The following TG variants were observed in gnomAD, a reference collection of about 807,000 sequenced individuals.
TG encodes thyroglobulin.
In TG, 270 loss-of-function variants were observed where a neutral mutation model predicts 324.7. The observed-to-expected ratio is 0.83, with a 90% CI of 0.75 to 0.92. TG has a LOEUF of 0.92. Among genes scored for constraint, TG ranks in the 40% least tolerant of loss-of-function variants. TG has a pLI of 0.00. For synonymous variants in TG, 1,401 were observed against 1,327.0 expected, an observed-to-expected ratio of 1.06 and a Z score of -1.21; for missense variants, 3,591 against 3,456.4, an observed-to-expected ratio of 1.04 and a Z score of -0.98.
chr8:132,903,571 G>A (rs574100529), intron 16 of TG, among the ~76,000 whole-genome samples: 25 of 152,366 alleles, frequency 1.6e-4, no homozygotes, highest in Non-Finnish European at 3.1e-4. Flanking sequence ...TCCTGGTCAT[G>A]TGATCAGGAA....
intron 38 of TG, among the ~76,000 whole-genome samples, chr8:133,019,386 C>T (rs1835353314): frequency 6.6e-6 from 1 of 152,220 alleles, no homozygotes; most frequent in Non-Finnish European, 1.5e-5. Context: ...GAATGTTCTT[C>T]CACAGGCCAG....
chr8:133,062,006 A>G (rs1842432274), intron 41 of TG, among the ~76,000 whole-genome samples: 1 of 152,228 alleles, frequency 6.6e-6, no homozygotes, highest in Non-Finnish European at 1.5e-5. Flanking sequence ...AAGCTAATGC[A>G]TAGTAATATT....
intron 41 of TG, among the ~76,000 whole-genome samples, chr8:133,052,660 C>T (rs1389253650): frequency 6.6e-6 from 1 of 152,212 alleles, no homozygotes; most frequent in Non-Finnish European, 1.5e-5. Context: ...GTCCCAAGTT[C>T]TCACAAAGGG....
At chr8:132,965,374 C>T (rs1241559561) in intron 29 of TG, among the ~76,000 whole-genome samples, 1 of 152,180 alleles carries the variant, frequency 6.6e-6, no homozygotes, top group Non-Finnish European at 1.5e-5. Context: ...GCTCAGTCTC[C>T]TTGAGCCTGC....
At chr8:132,962,892 T>A (rs993606117) in intron 28 of TG, 102 bp from the exon 29 acceptor site, 1 of 1,069,824 alleles carries the variant, frequency 9.3e-7, no homozygotes, top group Non-Finnish European at 1.5e-6. Flanking sequence ...GTCACCTGGC[T>A]TTAGGGCCTG....
intron 41 of TG, among the ~76,000 whole-genome samples, chr8:133,079,592 C>T (rs1197257889): frequency 1.3e-5 from 2 of 152,128 alleles, no homozygotes; most frequent in African/African-American, 4.8e-5. Flanking sequence ...CAGCATCATG[C>T]GGCAGATGTG....
rs374306199 is a variant in TG, at chr8:132,961,000, C to T, written c.5402-8C>T. The T allele has an allele frequency of 1.4e-4, 233 of 1,613,914 alleles. 1 individual carries two copies. The Middle Eastern group carries it at 2.6e-3, about 18-fold the overall frequency. On this transcript the variant is annotated splice_polypyrimidine_tract_variant and splice_region_variant and intron_variant, in intron 27 of 47. Transcript: ENST00000220616. ...CAAGCTCATAAAAATAAACATCTTCCTTTGCAGGTCTGACACCCTTAGAAG... is the reference window on the plus strand; with the variant it reads ...CAAGCTCATAAAAATAAACATCTTCTTTTGCAGGTCTGACACCCTTAGAAG...
intron 5 of TG, among the ~76,000 whole-genome samples, chr8:132,880,987 C>T (rs572922804): frequency 7.2e-5 from 11 of 152,284 alleles, no homozygotes; most frequent in Admixed American, 3.3e-4. Flanking sequence ...CTGCTGCTTC[C>T]GTTAACTTAT....
In TG at chr8:133,058,274, G is replaced by A. The variant is rs568194729; in HGVS notation, c.7239+28251G>A. 7.9e-5 allele frequency among the ~76,000 whole-genome samples: 12 copies of A among 152,270 alleles called. No individual in the cohort carries two copies. The South Asian group carries it at 2.5e-3, about 32-fold the overall frequency. ...GGGGTTGAAAAAGCAGCCCACCAGCGCTTGATGTGGTTGCCTGGATCACAA... is the reference window on the plus strand; with the variant it reads ...GGGGTTGAAAAAGCAGCCCACCAGCACTTGATGTGGTTGCCTGGATCACAA... On this transcript the variant is annotated intron_variant, in intron 41 of 47. Transcript: ENST00000220616.
At chr8:133,028,283 A>G (rs528900331) in intron 40 of TG, among the ~76,000 whole-genome samples, 1 of 152,346 alleles carries the variant, frequency 6.6e-6, no homozygotes, top group Non-Finnish European at 1.5e-5. Context: ...ATTCATCCTA[A>G]CAAATGGATC....
rs200812287 is a variant in TG at position 132,882,898 on chromosome 8, A to G, written c.974A>G (p.Tyr325Cys). 1.2e-6 allele frequency: 2 copies of G among 1,614,214 alleles called. No homozygotes were observed. The highest frequency in any genetic ancestry group is 1.7e-5 in the Admixed American group (1 of 60,024). The change falls in exon 8 of 48, where the codon TAT becomes TGT. Residue 325 changes from tyrosine to cysteine, a missense_variant. By Grantham distance (194) the Tyr-to-Cys change is radical. Transcript: ENST00000220616. ...YVPSCRRNGD[Y>C]QAVQCQTEGP... ...CCAAGCTGCCGCCGAAATGGCGACTATCAGGCGGTGCAGTGCCAGACGGAA... is the reference window on the plus strand; with the variant it reads ...CCAAGCTGCCGCCGAAATGGCGACTGTCAGGCGGTGCAGTGCCAGACGGAA...
chr8:133,081,325 T>G lies in TG; in HGVS notation c.7240-13719T>G, dbSNP rs2702977. On this transcript the variant is annotated intron_variant, in intron 41 of 47. Coordinates refer to ENST00000220616, the MANE Select transcript of TG (RefSeq NM_003235.5). ...AAAGAATAAATGAAGGTTGTGCCTT[T>G]TGAATTAAAGTAAATAAATTGTGAA... 8.1e-3 allele frequency among the ~76,000 whole-genome samples: 1,233 copies of G among 152,368 alleles called. 18 individuals are homozygous for G. Among genetic ancestry groups the G allele is most frequent in the South Asian group, 0.043 (210 of 4,828 alleles).
intron 41 of TG, among the ~76,000 whole-genome samples, chr8:133,059,425 G>A (rs1468335821): frequency 2.0e-5 from 3 of 152,134 alleles, no homozygotes; most frequent in Non-Finnish European, 2.9e-5. Context: ...GTTCACTGGT[G>A]TTCCCTCCCA....
At chr8:132,999,091 A>G (rs564986025) in intron 35 of TG, among the ~76,000 whole-genome samples, 14 of 152,280 alleles carry the variant, frequency 9.2e-5, no homozygotes, top group African/African-American at 2.9e-4. Context: ...AGTCATGGTA[A>G]GAACCCTGGT....
chr8:132,968,004 T>G (rs540158465), intron 31 of TG, 34 bp downstream of exon 31: 2 of 1,608,958 alleles, frequency 1.2e-6, no homozygotes, highest in East Asian at 2.2e-5. Context: ...TAAACTGTAT[T>G]TCCAATGTTC....
chr8:132,963,194 C>T, intron 29 of TG, 120 bp downstream of exon 29: 1 of 970,836 alleles, frequency 1.0e-6, no homozygotes, highest in Non-Finnish European at 1.7e-6. Context: ...TATCCATGGA[C>T]TCTCCTTTAA....
At chr8:133,012,822 C>G (rs1216255045) in intron 36 of TG, among the ~76,000 whole-genome samples, 1 of 152,214 alleles carries the variant, frequency 6.6e-6, no homozygotes, top group Non-Finnish European at 1.5e-5. Flanking sequence ...AAATAGGGCT[C>G]TTAGGCTGTC....
chr8:132,945,156 G>A (rs1825058297), intron 26 of TG, among the ~76,000 whole-genome samples: 1 of 152,216 alleles, frequency 6.6e-6, no homozygotes, highest in Non-Finnish European at 1.5e-5. Flanking sequence ...TGGCTTGAAT[G>A]TGGAGAAGGT....
chr8:132,941,693 C>G, intron 26 of TG, 151 bp downstream of exon 26: 1 of 822,394 alleles, frequency 1.2e-6, no homozygotes. Context: ...ACAATACACA[C>G]ATGATACTCA....
Sources: gnomAD v4.1 joint callset for allele counts (sites outside exome capture counted in the v4.1 genomes callset) on GRCh38, gnomAD v4.1.1 for gene constraint, MANE v1.5 for transcripts, NCBI Gene and HGNC (gene_info 2026-07-23, HGNC 2026-07-21) for gene names.